The following CHST11 variants were observed in gnomAD, a reference collection of about 807,000 sequenced individuals.
The protein encoded by CHST11 is carbohydrate sulfotransferase 11, also known as C4S-1.
In CHST11, 9 loss-of-function variants were observed where a neutral mutation model predicts 30.4. That is an observed-to-expected ratio of 0.30 (90% CI 0.18 to 0.52). The LOEUF is 0.52. Among genes scored for constraint, CHST11 ranks in the 20% least tolerant of loss-of-function variants. The probability of loss-of-function intolerance (pLI) is 0.97; values close to 1 mark genes in which losing one functional copy is unlikely to be tolerated. For missense variants in CHST11, 348 were observed against 460.6 expected (o/e 0.76, Z 2.24); for synonymous variants, 152 against 187.8 (o/e 0.81, Z 1.56).
intron 1 of CHST11, among the ~76,000 whole-genome samples, chr12:104,594,620 T>G (rs896363598): frequency 6.6e-6 from 1 of 151,868 alleles, no homozygotes; most frequent in African/African-American, 2.4e-5. Context: ...AGAAATCAAC[T>G]TAAACAATGC....
At chr12:104,466,819 T>G (rs2037464548) in intron 1 of CHST11, among the ~76,000 whole-genome samples, 1 of 152,210 alleles carries the variant, frequency 6.6e-6, no homozygotes. Context: ...ATAGGATCCT[T>G]TCTGACTAGT....
At chr12:104,672,334 C>G (rs2136096438) in intron 2 of CHST11, among the ~76,000 whole-genome samples, 1 of 152,172 alleles carries the variant, frequency 6.6e-6, no homozygotes, top group Middle Eastern at 3.4e-3. Context: ...GCCCGGCTGT[C>G]CAGCTGTCTT....
intron 1 of CHST11, among the ~76,000 whole-genome samples, chr12:104,460,663 CA>C (rs10570106): frequency 0.54 from 66,593 of 124,028 alleles, 16,655 homozygotes; most frequent in East Asian, 0.86. Context: ...AACTGTGTCT[CA>C]AAAAAAAAAA....
chr12:104,589,838 C>T (rs993824898), intron 1 of CHST11, among the ~76,000 whole-genome samples: 6 of 151,784 alleles, frequency 4.0e-5, no homozygotes, highest in Admixed American at 3.3e-4. Flanking sequence ...GGTGAAACCC[C>T]GTCTCTACGA....
intron 1 of CHST11, among the ~76,000 whole-genome samples, chr12:104,485,183 C>T (rs911606345): frequency 3.3e-5 from 5 of 152,094 alleles, no homozygotes; most frequent in South Asian, 2.1e-4. Flanking sequence ...AAAATGCAGC[C>T]GTGGGGCCTG....
At chr12:104,460,727 G>C (rs1262521522) in intron 1 of CHST11, among the ~76,000 whole-genome samples, 2 of 150,952 alleles carry the variant, frequency 1.3e-5, no homozygotes, top group Admixed American at 6.6e-5. Context: ...CCCTCTCTCT[G>C]ATTCTAATCT....
intron 2 of CHST11, among the ~76,000 whole-genome samples, chr12:104,698,320 A>G (rs931171338): frequency 1.4e-4 from 22 of 152,070 alleles, no homozygotes; most frequent in Non-Finnish European, 2.5e-4. Flanking sequence ...CTTGATGACA[A>G]TGTTCTTGCT....
chr12:104,534,830 T>C (rs1167518901), intron 1 of CHST11, among the ~76,000 whole-genome samples: 5 of 152,214 alleles, frequency 3.3e-5, no homozygotes, highest in Admixed American at 2.0e-4. Context: ...AGCACCAGAA[T>C]GTAAGGGCTA....
intron 1 of CHST11, among the ~76,000 whole-genome samples, chr12:104,468,499 A>T (rs1311003223): frequency 6.6e-6 from 1 of 152,168 alleles, no homozygotes; most frequent in East Asian, 1.9e-4. Flanking sequence ...CGCTGCTCTG[A>T]ACATCTGGGA....
chr12:104,575,205 A>AG (rs1219347887), intron 1 of CHST11, among the ~76,000 whole-genome samples: 3 of 151,880 alleles, frequency 2.0e-5, no homozygotes, highest in African/African-American at 7.3e-5. Flanking sequence ...AAAAAAAAAA[A>AG]GAGTGTAGGA....
chr12:104,687,404 A>G (rs1327322487), intron 2 of CHST11, among the ~76,000 whole-genome samples: 1 of 152,246 alleles, frequency 6.6e-6, no homozygotes, highest in African/African-American at 2.4e-5. Flanking sequence ...AGCACTTACT[A>G]TGTACCACAC....
intron 2 of CHST11, among the ~76,000 whole-genome samples, chr12:104,752,652 C>T (rs539660933): frequency 2.6e-5 from 4 of 152,266 alleles, no homozygotes; most frequent in South Asian, 2.1e-4. Context: ...CTCAGCCTCC[C>T]GAGTAGCTGG....
At chr12:104,710,183 A>G (rs1207847553) in intron 2 of CHST11, among the ~76,000 whole-genome samples, 2 of 150,884 alleles carry the variant, frequency 1.3e-5, no homozygotes, top group East Asian at 3.8e-4. Context: ...CTGGTCCACA[A>G]AGCAAGACCC....
chr12:104,698,538 C>T (rs943118861), intron 2 of CHST11, among the ~76,000 whole-genome samples: 4 of 152,184 alleles, frequency 2.6e-5, no homozygotes, highest in African/African-American at 9.7e-5. Context: ...AAGTTCTCAC[C>T]CATCTCTGTA....
rs35612022 is a variant in CHST11, at chr12:104,457,785, G to GTTTT, written c.118+272_118+275dup. Reference sequence around the variant, plus strand: ...GAGGATGGGACCAGGAGGGGCGGTAGTTTTTTTTTTTTTTTTTTTCTTCTT... The same window carrying GTTTT: ...GAGGATGGGACCAGGAGGGGCGGTAGTTTTTTTTTTTTTTTTTTTTTTTCTTCTT... On this transcript the variant is annotated intron_variant, in intron 1 of 2. Coordinates refer to ENST00000303694, the MANE Select transcript of CHST11 (RefSeq NM_018413.6). Among the ~76,000 whole-genome samples, 88 of 137,662 alleles carry GTTTT rather than the reference G, an allele frequency of 6.4e-4. 1 individual carries two copies. In the South Asian group the frequency reaches 0.016, roughly 25 times the overall value. 90.3% of individuals were successfully genotyped at this position (137,662 alleles called of 152,430 possible).
In CHST11 at chr12:104,680,771, G is replaced by T. The variant is rs578029922; in HGVS notation, c.205-76178G>T. Reference sequence around the variant, plus strand: ...TTTTAACTTATACCACACTCCCCCGGGTTCTCACGTGCAAGCAAAGCTTGA... The same window carrying T: ...TTTTAACTTATACCACACTCCCCCGTGTTCTCACGTGCAAGCAAAGCTTGA... On this transcript the variant is annotated intron_variant, in intron 2 of 2. Coordinates refer to ENST00000303694, the MANE Select transcript of CHST11 (RefSeq NM_018413.6). Among the ~76,000 whole-genome samples the T allele has an allele frequency of 4.2e-4, 64 of 152,274 alleles. 2 individuals carry two copies. The South Asian group carries it at 0.012, about 29-fold the overall frequency.
intron 2 of CHST11, among the ~76,000 whole-genome samples, chr12:104,617,977 C>T (rs1207057674): frequency 1.3e-5 from 2 of 150,712 alleles, no homozygotes; most frequent in Admixed American, 6.6e-5. Context: ...GGTGCGATCT[C>T]GGCTCACTGC....
intron 2 of CHST11, among the ~76,000 whole-genome samples, chr12:104,755,506 C>A (rs745315587): frequency 6.6e-6 from 1 of 152,080 alleles, no homozygotes; most frequent in Admixed American, 6.5e-5. Context: ...AAGTTTGGGG[C>A]CAGGCACAGT....
At chr12:104,517,918 C>T (rs1335899386) in intron 1 of CHST11, among the ~76,000 whole-genome samples, 1 of 152,180 alleles carries the variant, frequency 6.6e-6, no homozygotes. Flanking sequence ...ATGTCAGTGC[C>T]TTTTCCCACT....
Sources: gnomAD v4.1 joint callset for allele counts (sites outside exome capture counted in the v4.1 genomes callset) on GRCh38, gnomAD v4.1.1 for gene constraint, MANE v1.5 for transcripts, NCBI Gene and HGNC (gene_info 2026-07-23, HGNC 2026-07-21) for gene names.